The following CEP97 variants were observed in gnomAD, a reference collection of about 807,000 sequenced individuals.
CEP97 encodes centrosomal protein 97.
A neutral mutation model predicts 73.1 loss-of-function variants in CEP97; 43 were observed. The observed-to-expected ratio is 0.59, with a 90% CI of 0.46 to 0.76. The LOEUF (loss-of-function observed/expected upper bound fraction) is 0.76, where lower values mean the gene tolerates loss of function less well. Ranked by LOEUF, CEP97 falls within the 30% of genes least tolerant of loss-of-function variation. The pLI, the probability that CEP97 is intolerant of heterozygous loss-of-function variation, is 0.00. For synonymous variants in CEP97, 337 were observed against 370.0 expected (o/e 0.91, Z 1.02); for missense variants, 939 against 1,014.0 (o/e 0.93, Z 1.00).
At chr3:101,755,108 T>C (rs1938966572) in intron 6 of CEP97, among the ~76,000 whole-genome samples, 1 of 152,104 alleles carries the variant, frequency 6.6e-6, no homozygotes, top group Non-Finnish European at 1.5e-5. Flanking sequence ...CAAATGCAGT[T>C]CATCTATTTA....
chr3:101,732,076 A>G (rs543838490), intron 5 of CEP97, 123 bp downstream of exon 5: 3 of 663,850 alleles, frequency 4.5e-6, no homozygotes, highest in South Asian at 1.8e-5. Flanking sequence ...TTCATATGAA[A>G]TGCTTGGCTC....
intron 6 of CEP97, among the ~76,000 whole-genome samples, chr3:101,747,999 G>A (rs554360643): frequency 7.9e-5 from 12 of 151,606 alleles, no homozygotes; most frequent in South Asian, 6.3e-4. Context: ...GGGTATGCTG[G>A]TGCATACCTG....
At chr3:101,762,125 T>C (rs1177079686) in intron 9 of CEP97, among the ~76,000 whole-genome samples, 1 of 152,168 alleles carries the variant, frequency 6.6e-6, no homozygotes, top group Non-Finnish European at 1.5e-5. Flanking sequence ...GTTCCTTTGG[T>C]TTGTTTGGCT....
intron 6 of CEP97, among the ~76,000 whole-genome samples, chr3:101,749,101 G>A (rs1333180553): frequency 2.6e-5 from 4 of 150,948 alleles, no homozygotes; most frequent in South Asian, 2.1e-4. Context: ...CCATTAACTC[G>A]TCATTTAGCA....
At chr3:101,737,575 A>G (rs552166140) in intron 6 of CEP97, among the ~76,000 whole-genome samples, 5 of 152,344 alleles carry the variant, frequency 3.3e-5, no homozygotes, top group East Asian at 1.9e-4. Flanking sequence ...CCAGAATTTC[A>G]TATCCAGCCA....
At chr3:101,751,842 C>G (rs1027722549) in intron 6 of CEP97, among the ~76,000 whole-genome samples, 30 of 152,098 alleles carry the variant, frequency 2.0e-4, no homozygotes, top group Admixed American at 7.2e-4. Context: ...ATACAGCACA[C>G]TGATGGGTCT....
rs555753193 is a variant in CEP97, at chr3:101,730,714, A to G, written c.448-1126A>G. Among the ~76,000 whole-genome samples the G allele has an allele frequency of 2.0e-5, 3 of 152,296 alleles. No homozygotes were observed. In the East Asian group the frequency reaches 5.8e-4, roughly 29 times the overall value. On this transcript the variant is annotated intron_variant, in intron 4 of 10. Coordinates refer to ENST00000341893, the MANE Select transcript of CEP97 (RefSeq NM_024548.4). ...GGAGGGGAATGTATCATGCAGTCAAATAAGTAACAGTTGAAATCACAGTCT... is the reference window on the plus strand; with the variant it reads ...GGAGGGGAATGTATCATGCAGTCAAGTAAGTAACAGTTGAAATCACAGTCT...
intron 6 of CEP97, among the ~76,000 whole-genome samples, chr3:101,753,201 G>C (rs1418826356): frequency 1.3e-5 from 2 of 152,194 alleles, no homozygotes; most frequent in African/African-American, 4.8e-5. Context: ...GGTGGCTGCA[G>C]AACAACAGAT....
chr3:101,762,450 T>A (rs753371665), intron 9 of CEP97, 35 bp from the exon 10 acceptor site: 2 of 1,425,848 alleles, frequency 1.4e-6, no homozygotes, highest in South Asian at 2.4e-5. Context: ...AAAGCACCCT[T>A]CCTTATGTCA....
rs1939353436 is a variant in CEP97, at chr3:101,767,740, T to C, written c.*2189T>C. On this transcript the variant is annotated 3_prime_UTR_variant, in exon 11 of 11. Coordinates refer to ENST00000341893, the MANE Select transcript of CEP97 (RefSeq NM_024548.4). Reference sequence around the variant, plus strand: ...AATATGATAATTGTTAATATTCTGTTCTTCGTCTGTGTTTTATTTAACTTT... The same window carrying C: ...AATATGATAATTGTTAATATTCTGTCCTTCGTCTGTGTTTTATTTAACTTT... 6.6e-6 allele frequency: 1 copy of C among 152,212 alleles called. No homozygotes were observed. Among genetic ancestry groups the C allele is most frequent in the African/African-American group, 2.4e-5 (1 of 41,444 alleles). 9.4% of individuals were successfully genotyped at this position (152,212 alleles called of 1,614,324 possible). A position where few individuals can be genotyped will look rare whatever the true frequency, so the allele number is the denominator to read the frequency against.
chr3:101,755,412 T>C lies in CEP97; in HGVS notation c.729-18T>C. 1 of 1,612,232 alleles carries C rather than the reference T, an allele frequency of 6.2e-7. No homozygotes were observed. The highest frequency in any genetic ancestry group is 8.5e-7 in the Non-Finnish European group (1 of 1,178,518). ...TATTCTCATGCCATCTCCTCTTTTT[T>C]ATGTTCCCCAATTCCAGTTTGAAAG... On this transcript the variant is annotated intron_variant, in intron 6 of 10. Transcript: ENST00000341893.
Position 101,757,181 on chromosome 3 carries a change from A to T in CEP97, c.1012A>T (p.Ile338Leu), listed in dbSNP as rs1939030951. Residue 338 changes from isoleucine (I) to leucine (L), a missense_variant, in exon 8 of 11, where the codon ATA becomes TTA. Physicochemically the swap from Ile to Leu is conservative, Grantham distance 5. Coordinates refer to ENST00000341893, the MANE Select transcript of CEP97 (RefSeq NM_024548.4). Reference protein sequence around the residue: ...EHSSPVQDCQISQESEPVIQV... With the variant: ...EHSSPVQDCQLSQESEPVIQV... The stretch of plus-strand genomic sequence containing the variant: ...TTCAAGCCCTGTTCAAGATTGCCAG[A>T]TATCCCAGGAAAGTGGTAAGAAATG... 2 of 1,604,988 alleles carry T rather than the reference A, an allele frequency of 1.2e-6. No individual in the cohort carries two copies. Among genetic ancestry groups the T allele is most frequent in the Non-Finnish European group, 1.7e-6 (2 of 1,177,684 alleles).
At chr3:101,733,954 G>A (rs1391453119) in intron 6 of CEP97, among the ~76,000 whole-genome samples, 1 of 152,180 alleles carries the variant, frequency 6.6e-6, no homozygotes, top group Non-Finnish European at 1.5e-5. Flanking sequence ...AGCCTCCCAA[G>A]TAGCTGGAAT....
intron 6 of CEP97, among the ~76,000 whole-genome samples, chr3:101,733,285 TC>T (rs1938171056): frequency 6.6e-6 from 1 of 152,116 alleles, no homozygotes; most frequent in African/African-American, 2.4e-5. Context: ...GTGTAGGATC[TC>T]AGATCAGTCT....
intron 6 of CEP97, among the ~76,000 whole-genome samples, chr3:101,742,312 A>G (rs2107153769): frequency 6.6e-6 from 1 of 152,316 alleles, no homozygotes; most frequent in Admixed American, 6.5e-5. Flanking sequence ...ACTTTTCACA[A>G]TAGCAAAGAC....
chr3:101,750,862 A>T (rs1254935149), intron 6 of CEP97, among the ~76,000 whole-genome samples: 2 of 152,172 alleles, frequency 1.3e-5, no homozygotes, highest in African/African-American at 4.8e-5. Context: ...TCAAAAAACC[A>T]GCTCCTGGAT....
At chr3:101,745,876 G>A (rs1938598377) in intron 6 of CEP97, among the ~76,000 whole-genome samples, 1 of 151,946 alleles carries the variant, frequency 6.6e-6, no homozygotes, top group South Asian at 2.1e-4. Context: ...TCTAGCATTA[G>A]GTATATCTCC....
intron 6 of CEP97, among the ~76,000 whole-genome samples, chr3:101,735,458 C>T (rs1401269758): frequency 6.6e-6 from 1 of 152,140 alleles, no homozygotes; most frequent in East Asian, 1.9e-4. Flanking sequence ...GAGATTAGCA[C>T]AGAAGGCGGG....
At chr3:101,726,769 G>A (rs1233842122) in intron 2 of CEP97, 33 bp downstream of exon 2, 19 of 1,472,378 alleles carry the variant, frequency 1.3e-5, no homozygotes, top group Non-Finnish European at 1.7e-5. Flanking sequence ...TGGTTACATA[G>A]GATCAATTTA....
Sources: allele counts gnomAD v4.1 joint callset (sites outside exome capture counted in the v4.1 genomes callset), GRCh38; gene constraint gnomAD v4.1.1; transcripts MANE v1.5; gene names NCBI Gene and HGNC (gene_info 2026-07-23, HGNC 2026-07-21).